Variants in EYS observed in about 807,000 individuals in gnomAD.
EYS encodes the protein EGF-like photoreceptor maintenance factor, also known as protein eyes shut homolog.
A neutral mutation model predicts 282.1 loss-of-function variants in EYS; 250 were observed. That is an observed-to-expected ratio of 0.89 (90% CI 0.80 to 0.98). EYS has a LOEUF of 0.98. Among genes scored for constraint, EYS ranks in the 50% least tolerant of loss-of-function variants. The probability of loss-of-function intolerance (pLI) is 0.00; values close to 1 mark genes in which losing one functional copy is unlikely to be tolerated. For missense variants in EYS, 4,016 were observed against 3,709.0 expected, an observed-to-expected ratio of 1.08 and a Z score of -2.15; for synonymous variants, 1,355 against 1,282.9, an observed-to-expected ratio of 1.06 and a Z score of -1.20.
At chr6:65,530,403 G>A (rs1488871497) in intron 2 of EYS, among the ~76,000 whole-genome samples, 4 of 152,106 alleles carry the variant, frequency 2.6e-5, no homozygotes, top group Admixed American at 2.0e-4. Flanking sequence ...ATGCAGTAAT[G>A]CACATTAGTT....
chr6:64,244,392 C>CTGT (rs931635242), intron 30 of EYS, among the ~76,000 whole-genome samples: 45 of 152,114 alleles, frequency 3.0e-4, no homozygotes, highest in African/African-American at 1.0e-3. Context: ...GTTATCAGTT[C>CTGT]TGTAGGAAAC....
chr6:64,595,057 A>G (rs1211731579), intron 24 of EYS, among the ~76,000 whole-genome samples: 1 of 152,126 alleles, frequency 6.6e-6, no homozygotes, highest in Non-Finnish European at 1.5e-5. Flanking sequence ...AAACACTAGC[A>G]AACTGAATAC....
intron 26 of EYS, among the ~76,000 whole-genome samples, chr6:64,581,225 T>C (rs1462197436): frequency 6.6e-6 from 1 of 152,018 alleles, no homozygotes; most frequent in Non-Finnish European, 1.5e-5. Flanking sequence ...TAAGAGCAAA[T>C]GTTGGAGGAT....
At chr6:63,984,229 C>T (rs1463500010) in intron 35 of EYS, among the ~76,000 whole-genome samples, 154 bp downstream of exon 35, 1 of 151,700 alleles carries the variant, frequency 6.6e-6, no homozygotes, top group Non-Finnish European at 1.5e-5. Flanking sequence ...CAAGAATTTA[C>T]CACATGTGTG....
At chr6:63,925,297 A>C (rs1217851370) in intron 35 of EYS, among the ~76,000 whole-genome samples, 1 of 152,172 alleles carries the variant, frequency 6.6e-6, no homozygotes, top group Non-Finnish European at 1.5e-5. Flanking sequence ...TCTAAATTTC[A>C]TCAGTCCTGT....
At chr6:63,873,152 C>G (rs1174388244) in intron 35 of EYS, among the ~76,000 whole-genome samples, 1 of 132,850 alleles carries the variant, frequency 7.5e-6, no homozygotes, top group Non-Finnish European at 1.6e-5. Context: ...TCCCTCCCCC[C>G]TCCCTACACC....
At chr6:65,048,537 AAC>A (rs1186966092) in intron 13 of EYS, among the ~76,000 whole-genome samples, 1 of 151,896 alleles carries the variant, frequency 6.6e-6, no homozygotes, top group Non-Finnish European at 1.5e-5. Flanking sequence ...CCTATGAAAA[AAC>A]TTGACCATTC....
At chr6:64,035,942 G>T (rs1770100498) in intron 33 of EYS, among the ~76,000 whole-genome samples, 1 of 152,166 alleles carries the variant, frequency 6.6e-6, no homozygotes, top group South Asian at 2.1e-4. Flanking sequence ...GGTTTGGAAA[G>T]CTGTACTTCT....
intron 40 of EYS, among the ~76,000 whole-genome samples, chr6:63,766,153 G>A (rs1392514600): frequency 6.6e-6 from 1 of 151,884 alleles, no homozygotes; most frequent in Non-Finnish European, 1.5e-5. Flanking sequence ...TTTGCTTTGT[G>A]GGCCATATAG....
intron 29 of EYS, among the ~76,000 whole-genome samples, chr6:64,354,859 G>T (rs1771770259): frequency 6.6e-6 from 1 of 151,322 alleles, no homozygotes; most frequent in Non-Finnish European, 1.5e-5. Context: ...CAAATCCTTT[G>T]GTTATTTATT....
At chr6:64,692,977 CT>C (rs67700846) in intron 22 of EYS, among the ~76,000 whole-genome samples, 16 of 11,498 alleles carry the variant, frequency 1.4e-3, no homozygotes, top group African/African-American at 2.5e-3. Flanking sequence ...GCTGCTTGGG[CT>C]TTTTTTTTTT....
intron 28 of EYS, among the ~76,000 whole-genome samples, chr6:64,394,048 A>C (rs1773262957): frequency 6.6e-6 from 1 of 152,148 alleles, no homozygotes; most frequent in Non-Finnish European, 1.5e-5. Context: ...CAAAGAGAAT[A>C]AAATACCTAG....
chr6:63,984,945 G>T (rs534550108), intron 34 of EYS, among the ~76,000 whole-genome samples: 1 of 151,644 alleles, frequency 6.6e-6, no homozygotes, highest in Non-Finnish European at 1.5e-5. Context: ...AACTAAAAAA[G>T]AAAATAAAGC....
At chr6:63,965,158 G>C (rs1310508820) in intron 35 of EYS, among the ~76,000 whole-genome samples, 1 of 152,046 alleles carries the variant, frequency 6.6e-6, no homozygotes, top group South Asian at 2.1e-4. Context: ...GGCTCAAAAG[G>C]GCCTTTCTAT....
intron 2 of EYS, among the ~76,000 whole-genome samples, chr6:65,613,649 A>G (rs1191955901): frequency 6.6e-6 from 1 of 151,934 alleles, no homozygotes; most frequent in East Asian, 1.9e-4. Flanking sequence ...TTTTACAGGT[A>G]CTAAAAGTTA....
chr6:65,111,584 A>G (rs1231810613), intron 12 of EYS, among the ~76,000 whole-genome samples: 2 of 152,172 alleles, frequency 1.3e-5, no homozygotes, highest in African/African-American at 4.8e-5. Flanking sequence ...GAGGTGACTC[A>G]GGCCTGTAAT....
At chr6:64,497,424 T>C (rs1293854844) in intron 26 of EYS, among the ~76,000 whole-genome samples, 1 of 152,136 alleles carries the variant, frequency 6.6e-6, no homozygotes, top group Non-Finnish European at 1.5e-5. Flanking sequence ...AAGAATTTCA[T>C]AATGCATTCC....
intron 12 of EYS, among the ~76,000 whole-genome samples, chr6:65,106,991 G>T (rs530460760): frequency 6.6e-6 from 1 of 152,092 alleles, no homozygotes; most frequent in Non-Finnish European, 1.5e-5. Context: ...TTTCAGTGCT[G>T]CTCCTCACCC....
intron 37 of EYS, among the ~76,000 whole-genome samples, chr6:63,801,350 G>A (rs1480935387): frequency 6.6e-6 from 1 of 152,190 alleles, no homozygotes; most frequent in East Asian, 1.9e-4. Context: ...ATGAAATGGA[G>A]AGAGACCAGG....
Sources: allele counts gnomAD v4.1 joint callset (sites outside exome capture counted in the v4.1 genomes callset), GRCh38; gene constraint gnomAD v4.1.1; transcripts MANE v1.5; gene names NCBI Gene and HGNC (gene_info 2026-07-23, HGNC 2026-07-21).